Variants in PI4KA observed in about 807,000 individuals in gnomAD.
PI4KA encodes PI4-kinase alpha.
Under a neutral mutation model 271.4 loss-of-function variants are expected in PI4KA, and 122 were observed. The observed-to-expected ratio is 0.45, with a 90% CI of 0.39 to 0.52. The LOEUF (loss-of-function observed/expected upper bound fraction) is 0.52, where lower values mean the gene tolerates loss of function less well. PI4KA is among the 20% of genes least tolerant of loss of function. The pLI is 0.00. For synonymous variants in PI4KA, 1,041 were observed against 1,078.8 expected (o/e 0.96, Z 0.69); for missense variants, 1,969 against 2,769.1 (o/e 0.71, Z 6.48).
chr22:20,739,119 G>A (rs144507942), intron 32 of PI4KA, among the ~76,000 whole-genome samples: 116 of 151,614 alleles, frequency 7.7e-4, no homozygotes, highest in African/African-American at 2.7e-3. Context: ...GCCGAGGCGG[G>A]CGGATCACAA....
intron 19 of PI4KA, chr22:20,787,006 C>G: frequency 6.2e-7 from 1 of 1,614,148 alleles, no homozygotes. Flanking sequence ...TCCTCATCTA[C>G]GAGCATCGCA....
intron 42 of PI4KA, among the ~76,000 whole-genome samples, chr22:20,723,475 A>G (rs967621733): frequency 2.0e-5 from 3 of 151,994 alleles, no homozygotes; most frequent in South Asian, 2.1e-4. Flanking sequence ...AGGCAGGTGG[A>G]TCACCTGAGG....
intron 3 of PI4KA, among the ~76,000 whole-genome samples, chr22:20,833,176 T>G (rs960883200): frequency 2.0e-5 from 3 of 152,190 alleles, no homozygotes; most frequent in Admixed American, 6.5e-5. Flanking sequence ...TCAGCACTCC[T>G]GGGCTATGTC....
At chr22:20,753,433 C>G (rs1388824586) in intron 23 of PI4KA, among the ~76,000 whole-genome samples, 1 of 152,186 alleles carries the variant, frequency 6.6e-6, no homozygotes, top group Non-Finnish European at 1.5e-5. Flanking sequence ...TTTCCCAGGT[C>G]TCCCACACAT....
chr22:20,722,117 C>G (rs1926806718), intron 42 of PI4KA: 1 of 152,208 alleles, frequency 6.6e-6, no homozygotes, highest in Non-Finnish European at 1.5e-5. Flanking sequence ...CCTGAGGCCT[C>G]CCCAGCCACG....
chr22:20,858,354 G>A (rs1434110353), intron 1 of PI4KA, among the ~76,000 whole-genome samples: 1 of 148,308 alleles, frequency 6.7e-6, no homozygotes, highest in Non-Finnish European at 1.5e-5. Context: ...CGGCCCTGCA[G>A]GCCCCGCCGA....
At chr22:20,741,783 A>G (rs1929488931) in intron 32 of PI4KA, among the ~76,000 whole-genome samples, 1 of 152,204 alleles carries the variant, frequency 6.6e-6, no homozygotes. Flanking sequence ...TTAAGCGTTT[A>G]TCTAATCAGC....
chr22:20,818,525 G>C lies in PI4KA; in HGVS notation c.814C>G (p.Pro272Ala). The C allele has an allele frequency of 6.4e-7, 1 of 1,561,906 alleles. No homozygotes were observed. ...GCAGATCCTCCAGGGGAACTGGGAG[G>C]GGGCATGCCGCGTTCAGGGCTGACC... Reference protein sequence around the residue: ...SQVSPERGMPPPSSPGGSAFH... With the variant: ...SQVSPERGMPAPSSPGGSAFH... The change falls in exon 7 of 55, where the codon CCT becomes GCT. Residue 272 changes from proline to alanine, a missense_variant. Pro to Ala is a conservative substitution (Grantham distance 27, BLOSUM62 -1). This residue lies in a region of PI4KA where 540 missense variants were observed against 555.5 expected (regional missense o/e 0.97). Transcript: ENST00000255882.
intron 39 of PI4KA, among the ~76,000 whole-genome samples, 172 bp downstream of exon 39, chr22:20,729,141 C>A (rs1048158604): frequency 3.3e-5 from 5 of 152,236 alleles, no homozygotes; most frequent in African/African-American, 1.2e-4. Flanking sequence ...GCTGGGTTAT[C>A]TCTGCACAGA....
Position 20,762,292 on chromosome 22 carries a change from G to A in PI4KA, c.2709-906C>T, listed in dbSNP as rs1473966281. 2.6e-5 allele frequency among the ~76,000 whole-genome samples: 4 copies of A among 152,260 alleles called. No individual in the cohort carries two copies. In the East Asian group the frequency reaches 7.7e-4, roughly 29 times the overall value. Reference sequence around the variant, plus strand: ...GCAGGCCAGGTGACTTTCAGCACACGCATTCGAGTGTGCACGTGCACACAC... The same window carrying A: ...GCAGGCCAGGTGACTTTCAGCACACACATTCGAGTGTGCACGTGCACACAC... On this transcript the variant is annotated intron_variant, in intron 22 of 54. Coordinates refer to ENST00000255882, the MANE Select transcript of PI4KA (RefSeq NM_058004.4).
chr22:20,782,900 G>A (rs1452810188), intron 19 of PI4KA, among the ~76,000 whole-genome samples: 2 of 152,188 alleles, frequency 1.3e-5, no homozygotes, highest in Non-Finnish European at 2.9e-5. Flanking sequence ...GGCAGGAGCT[G>A]TCTGGTACTT....
chr22:20,755,334 T>C (rs1015262279), intron 23 of PI4KA, among the ~76,000 whole-genome samples: 22 of 152,350 alleles, frequency 1.4e-4, no homozygotes, highest in African/African-American at 5.1e-4. Context: ...TCTTGGCGTG[T>C]CCTTACTTTC....
chr22:20,815,727 A>G (rs1921710832), intron 7 of PI4KA, among the ~76,000 whole-genome samples: 1 of 152,114 alleles, frequency 6.6e-6, no homozygotes, highest in South Asian at 2.1e-4. Flanking sequence ...GTAAGGAAAG[A>G]AGGGAGGGAG....
chr22:20,820,026 A>C (rs1025503604), intron 5 of PI4KA, 126 bp from the exon 6 acceptor site: 8 of 792,856 alleles, frequency 1.0e-5, no homozygotes, highest in Middle Eastern at 3.5e-4. Flanking sequence ...AAGGTTCACA[A>C]TAAGCCACAA....
chr22:20,753,854 T>C (rs1930982845), intron 23 of PI4KA, among the ~76,000 whole-genome samples: 1 of 152,094 alleles, frequency 6.6e-6, no homozygotes, highest in Admixed American at 6.5e-5. Flanking sequence ...GCCCGGCTAA[T>C]TTTTTGTATT....
rs117496461 is a variant in PI4KA at position 20,736,132 on chromosome 22, C to A, written c.3742-1579G>T. ...TGACAGACCAGGTGGCCAGGGAGAG[C>A]CCTGGCAAGGAGGGGATATCTGAGA... On this transcript the variant is annotated intron_variant, in intron 32 of 54. Coordinates refer to ENST00000255882, the MANE Select transcript of PI4KA (RefSeq NM_058004.4). Among the ~76,000 whole-genome samples, 355 of 152,178 alleles carry A rather than the reference C, an allele frequency of 2.3e-3. 5 individuals carry two copies. The East Asian group carries it at 0.055, about 24-fold the overall frequency.
chr22:20,793,032 G>A (rs1244507916), intron 19 of PI4KA, among the ~76,000 whole-genome samples, 161 bp downstream of exon 19: 4 of 152,186 alleles, frequency 2.6e-5, no homozygotes, highest in African/African-American at 9.6e-5. Context: ...CACCTATGGG[G>A]CTGTCATGGA....
chr22:20,780,187 G>A, intron 19 of PI4KA: 1 of 1,614,204 alleles, frequency 6.2e-7, no homozygotes, highest in Non-Finnish European at 8.5e-7. Context: ...ATTCTCAACT[G>A]CATCTACTTC....
intron 28 of PI4KA, among the ~76,000 whole-genome samples, chr22:20,748,926 G>A (rs1406954296): frequency 6.6e-6 from 1 of 152,178 alleles, no homozygotes; most frequent in Admixed American, 6.5e-5. Flanking sequence ...CCTGGGGCAC[G>A]CCAAGGGGAC....
Sources: gnomAD v4.1 joint callset for allele counts (sites outside exome capture counted in the v4.1 genomes callset) on GRCh38, gnomAD v4.1.1 for gene constraint, gnomAD v4.1.1 regional missense constraint, MANE v1.5 for transcripts, NCBI Gene and HGNC (gene_info 2026-07-23, HGNC 2026-07-21) for gene names.